The following PSPC1 variants were observed in gnomAD, a reference collection of about 807,000 sequenced individuals.
PSPC1 encodes paraspeckle component 1.
PSPC1 carries 14 observed loss-of-function variants against 51.6 expected under a neutral mutation model. That is an observed-to-expected ratio of 0.27 (90% CI 0.18 to 0.42). The LOEUF is 0.42. PSPC1 is among the 10% of genes least tolerant of loss of function. The probability of loss-of-function intolerance (pLI) is 1.00; values close to 1 mark genes in which losing one functional copy is unlikely to be tolerated. For synonymous variants in PSPC1, 193 were observed against 231.9 expected, an observed-to-expected ratio of 0.83 and a Z score of 1.53; for missense variants, 406 against 701.1, an observed-to-expected ratio of 0.58 and a Z score of 4.75.
chr13:19,723,773 G>C (rs1287680041), intron 6 of PSPC1, among the ~76,000 whole-genome samples: 2 of 152,172 alleles, frequency 1.3e-5, no homozygotes, highest in East Asian at 3.8e-4. Context: ...TTACAATTAT[G>C]TACCGTGCCA....
At chr13:19,746,838 G>T (rs1886046870) in intron 4 of PSPC1, among the ~76,000 whole-genome samples, 1 of 148,234 alleles carries the variant, frequency 6.7e-6, no homozygotes, top group East Asian at 2.1e-4. Context: ...GGCTGGGTGT[G>T]GTGGCTCACG....
chr13:19,713,638 C>T (rs1881732092), intron 6 of PSPC1, among the ~76,000 whole-genome samples: 2 of 151,070 alleles, frequency 1.3e-5, no homozygotes, highest in Admixed American at 6.6e-5. Context: ...AGATTGTATG[C>T]CTTTCCATGG....
chr13:19,708,242 G>A (rs193013459), intron 7 of PSPC1, among the ~76,000 whole-genome samples: 1 of 152,286 alleles, frequency 6.6e-6, no homozygotes, highest in Admixed American at 6.5e-5. Flanking sequence ...CATGACTTAA[G>A]TTTCATTTGA....
intron 6 of PSPC1, among the ~76,000 whole-genome samples, chr13:19,690,755 C>A (rs1878447717): frequency 6.6e-6 from 1 of 152,124 alleles, no homozygotes; most frequent in Non-Finnish European, 1.5e-5. Flanking sequence ...CTCTCTGGTC[C>A]CACACAGCAG....
intron 2 of PSPC1, among the ~76,000 whole-genome samples, chr13:19,769,727 A>G (rs1020297738): frequency 7.9e-5 from 12 of 152,060 alleles, no homozygotes; most frequent in African/African-American, 2.9e-4. Context: ...AAGAGCGAAA[A>G]CTCCGTCTCA....
rs1885685290 is a variant in PSPC1, at chr13:19,743,906, G to A, written c.968-2257C>T. Among the ~76,000 whole-genome samples the A allele has an allele frequency of 2.0e-5, 3 of 152,154 alleles. 1 individual carries two copies. The South Asian group carries it at 6.2e-4, about 32-fold the overall frequency. On this transcript the variant is annotated intron_variant, in intron 4 of 8. Coordinates refer to ENST00000338910, the MANE Select transcript of PSPC1 (RefSeq NM_001354909.2). ...GCGGATCACCTGAGGTCGGGAGTTG[G>A]AGGCCAGCCTGACCAACATGGAGAA...
chr13:19,746,785 T>C (rs1886037831), intron 4 of PSPC1, among the ~76,000 whole-genome samples: 1 of 151,732 alleles, frequency 6.6e-6, no homozygotes, highest in South Asian at 2.1e-4. Context: ...CAAACAATTA[T>C]TATTGTAAGG....
chr13:19,737,727 G>A (rs182416617), intron 5 of PSPC1, among the ~76,000 whole-genome samples: 23 of 152,152 alleles, frequency 1.5e-4, no homozygotes, highest in African/African-American at 5.5e-4. Context: ...ATTAAAGATC[G>A]AGGCACCAGT....
At chr13:19,692,477 C>T (rs145217513) in intron 6 of PSPC1, among the ~76,000 whole-genome samples, 314 of 152,284 alleles carry the variant, frequency 2.1e-3, no homozygotes, top group Non-Finnish European at 2.0e-3. Context: ...AAAGTAAAAA[C>T]AGGACGAGTT....
At chr13:19,713,190 A>C (rs914749118) in intron 6 of PSPC1, among the ~76,000 whole-genome samples, 1 of 152,208 alleles carries the variant, frequency 6.6e-6, no homozygotes, top group African/African-American at 2.4e-5. Context: ...ATATTTTTAC[A>C]AATTTTAATA....
intron 6 of PSPC1, among the ~76,000 whole-genome samples, chr13:19,686,349 T>C (rs941501162): frequency 5.3e-5 from 8 of 152,090 alleles, no homozygotes. Context: ...ATTTAACAGA[T>C]AGACTTACAA....
intron 6 of PSPC1, among the ~76,000 whole-genome samples, chr13:19,690,865 T>TCGTC (rs1313858487): frequency 3.3e-5 from 5 of 152,302 alleles, no homozygotes; most frequent in Admixed American, 3.3e-4. Context: ...GACTATTTAC[T>TCGTC]CGTCCTCCCT....
At chr13:19,740,501 TTTTTTC>T in intron 5 of PSPC1, among the ~76,000 whole-genome samples, 1 of 152,226 alleles carries the variant, frequency 6.6e-6, no homozygotes, top group East Asian at 1.9e-4. Context: ...GGTTTTTCAC[TTTTTTC>T]TTTACTTTTA....
chr13:19,696,003 A>G (rs1301518946), intron 6 of PSPC1, among the ~76,000 whole-genome samples: 1 of 152,184 alleles, frequency 6.6e-6, no homozygotes, highest in African/African-American at 2.4e-5. Flanking sequence ...CTAATGTCGT[A>G]GACCTGGGCC....
intron 6 of PSPC1, among the ~76,000 whole-genome samples, chr13:19,718,936 G>C (rs1036400816): frequency 1.4e-4 from 22 of 152,318 alleles, no homozygotes; most frequent in Admixed American, 1.3e-3. Context: ...CTATGGAGAC[G>C]ATAGAAGGAT....
At chr13:19,714,140 A>G (rs2137805618) in intron 6 of PSPC1, among the ~76,000 whole-genome samples, 1 of 152,350 alleles carries the variant, frequency 6.6e-6, no homozygotes, top group East Asian at 1.9e-4. Flanking sequence ...CATGTTCTTC[A>G]CAATAAAACA....
chr13:19,770,769 C>T (rs1288521430), intron 2 of PSPC1, among the ~76,000 whole-genome samples: 4 of 151,890 alleles, frequency 2.6e-5, no homozygotes, highest in Non-Finnish European at 4.4e-5. Flanking sequence ...CATGGTGGTG[C>T]ACACCTGTAA....
At chr13:19,711,081 T>C (rs1881345510) in intron 6 of PSPC1, among the ~76,000 whole-genome samples, 1 of 152,100 alleles carries the variant, frequency 6.6e-6, no homozygotes, top group South Asian at 2.1e-4. Context: ...GCTCAAGCAA[T>C]CCTCCTGCCT....
chr13:19,769,598 G>C (rs890327749), intron 2 of PSPC1, among the ~76,000 whole-genome samples: 3 of 150,970 alleles, frequency 2.0e-5, no homozygotes, highest in East Asian at 3.9e-4. Flanking sequence ...AGCTGGGCAT[G>C]GTGGCGCATG....
Sources: gnomAD v4.1 joint callset for allele counts (sites outside exome capture counted in the v4.1 genomes callset) on GRCh38, gnomAD v4.1.1 for gene constraint, MANE v1.5 for transcripts, NCBI Gene and HGNC (gene_info 2026-07-23, HGNC 2026-07-21) for gene names.